Variants in MACF1 observed in about 807,000 individuals in gnomAD.
MACF1 encodes microtubule-actin cross-linking factor 1.
Under a neutral mutation model 854.8 loss-of-function variants are expected in MACF1, and 193 were observed. The ratio of observed to expected loss-of-function variants is 0.23; its 90% CI spans 0.20 to 0.25. MACF1 has a LOEUF of 0.25. Ranked by LOEUF, MACF1 falls within the 10% of genes least tolerant of loss-of-function variation. The probability of loss-of-function intolerance (pLI) is 1.00; values close to 1 mark genes in which losing one functional copy is unlikely to be tolerated. For missense variants in MACF1, 7,722 were observed against 8,929.1 expected, an observed-to-expected ratio of 0.86 and a Z score of 5.45; for synonymous variants, 3,185 against 3,226.7, an observed-to-expected ratio of 0.99 and a Z score of 0.44.
At chr1:39,215,532 T>G (rs750755469) in intron 1 of MACF1, 13 of 152,424 alleles carry the variant, frequency 8.5e-5, no homozygotes, top group Non-Finnish European at 1.5e-4. Context: ...TTCGAAGCCT[T>G]GTGGTGTTAC....
chr1:39,194,244 G>A (rs1571158592), intron 2 of MACF1, among the ~76,000 whole-genome samples: 1 of 151,672 alleles, frequency 6.6e-6, no homozygotes, highest in Non-Finnish European at 1.5e-5. Flanking sequence ...TTCAGTTGCT[G>A]AGCTTGATAG....
At position 39,442,459 on chromosome 1, in the gene MACF1, C is replaced by T. The variant is rs1433145547; in HGVS notation, c.18996C>T (p.Ala6332=). Residue 6332 remains alanine (A), a synonymous_variant, in exon 77 of 101, where the codon GCC becomes GCT. Coordinates refer to ENST00000564288, the MANE Select transcript of MACF1 (RefSeq NM_001394062.1). Reference sequence around the variant, plus strand: ...TGGCCCTTGGTCAGTTCCAGCATGCCTTAGAGGAACTAATGAGTTGGCTGA... The same window carrying T: ...TGGCCCTTGGTCAGTTCCAGCATGCTTTAGAGGAACTAATGAGTTGGCTGA... ...ALLALGQFQH[A]LEELMSWLTH... The T allele has an allele frequency of 6.2e-7, 1 of 1,614,060 alleles. No individual in the cohort carries two copies. The highest frequency in any genetic ancestry group is 1.3e-5 in the African/African-American group (1 of 74,910).
chr1:39,412,181 CTG>C, intron 58 of MACF1: 2 of 1,613,920 alleles, frequency 1.2e-6, no homozygotes, highest in Non-Finnish European at 1.7e-6. Flanking sequence ...TGCAGTCAAA[CTG>C]AGGGGAATGG....
intron 97 of MACF1, among the ~76,000 whole-genome samples, chr1:39,477,154 A>ACACACAC (rs57337925): frequency 3.6e-5 from 5 of 137,914 alleles, no homozygotes; most frequent in Non-Finnish European, 6.2e-5. Flanking sequence ...ACACACACAC[A>ACACACAC]GATGTGCAAA....
chr1:39,437,626 A>T, intron 70 of MACF1, 151 bp from the exon 71 acceptor site: 1 of 719,504 alleles, frequency 1.4e-6, no homozygotes, highest in Non-Finnish European at 2.5e-6. Flanking sequence ...ACAGTTTCTT[A>T]ACCAAACTCA....
chr1:39,427,625 G>T lies in MACF1; in HGVS notation c.16476+11G>T. Reference sequence around the variant, plus strand: ...ATCATTCGGCACAAGGTAGGGAGTGGTTACAGTAAATGAAAATAGAAAACT... The same window carrying T: ...ATCATTCGGCACAAGGTAGGGAGTGTTTACAGTAAATGAAAATAGAAAACT... On this transcript the variant is annotated intron_variant, in intron 62 of 100. Coordinates refer to ENST00000564288, the MANE Select transcript of MACF1 (RefSeq NM_001394062.1). The T allele has an allele frequency of 1.2e-6, 2 of 1,605,290 alleles. No individual in the cohort carries two copies. The highest frequency in any genetic ancestry group is 1.7e-6 in the Non-Finnish European group (2 of 1,177,034).
At chr1:39,424,403 G>C (rs1026073445) in intron 61 of MACF1, among the ~76,000 whole-genome samples, 2 of 152,234 alleles carry the variant, frequency 1.3e-5, no homozygotes, top group African/African-American at 4.8e-5. Flanking sequence ...AAATTTCCGA[G>C]AGCTGGAAAA....
At position 39,366,443 on chromosome 1, in the gene MACF1, C is replaced by G. The variant is rs369998991; in HGVS notation, c.12772-1705C>G. Among the ~76,000 whole-genome samples, 13 of 151,896 alleles carry G rather than the reference C, an allele frequency of 8.6e-5. No homozygotes were observed. The East Asian group carries it at 1.9e-3, about 23-fold the overall frequency. On this transcript the variant is annotated intron_variant, in intron 49 of 100. Coordinates refer to ENST00000564288, the MANE Select transcript of MACF1 (RefSeq NM_001394062.1). ...CAAACTCCTGGGCTCAAGTGATTCC[C>G]AGGAGTCTCAGCCTCCCCAGCAACT...
At chr1:39,412,543 A>G in intron 58 of MACF1, 1 of 1,613,978 alleles carries the variant, frequency 6.2e-7, no homozygotes, top group Non-Finnish European at 8.5e-7. Flanking sequence ...AGAGTCAGAG[A>G]TTCTGAGTCT....
intron 95 of MACF1, 76 bp downstream of exon 95, chr1:39,465,188 G>A: frequency 1.4e-6 from 2 of 1,437,706 alleles, no homozygotes; most frequent in Non-Finnish European, 2.0e-6. Flanking sequence ...TCTTCGCTAT[G>A]GGGAGAGGAT....
chr1:39,318,491 A>G lies in MACF1; in HGVS notation c.3821A>G (p.Asp1274Gly). ...ELESIQEVLG[D>G]YRACHGTLIK... ...GAAAGTATCCAGGAAGTTCTGGGAG[A>G]TTACCGAGCCTGCCATGGAACTCTC... Residue 1274 changes from aspartate to glycine, a missense_variant, in exon 30 of 101, where the codon GAT becomes GGT. This residue lies in a region of MACF1 where 1,137 missense variants were observed against 1,263.0 expected (regional missense o/e 0.90). Transcript: ENST00000564288. The G allele has an allele frequency of 3.7e-6, 6 of 1,613,938 alleles. No homozygotes were observed. Among genetic ancestry groups the G allele is most frequent in the Non-Finnish European group, 5.1e-6 (6 of 1,179,948 alleles).
At chr1:39,300,062 C>T (rs1458576401) in intron 21 of MACF1, 148 bp from the exon 22 acceptor site, 14 of 764,566 alleles carry the variant, frequency 1.8e-5, no homozygotes, top group Non-Finnish European at 2.8e-5. Context: ...TTATCATTGT[C>T]TAAGTCTTTA....
At position 39,105,158 on chromosome 1, in the gene MACF1, G is replaced by C. The variant is rs1270613581; in HGVS notation, c.220+20720G>C. 1.3e-5 allele frequency among the ~76,000 whole-genome samples: 2 copies of C among 151,808 alleles called. No homozygotes were observed. The highest frequency in any genetic ancestry group is 2.9e-5 in the Non-Finnish European group (2 of 67,874). ...GCCGGCCTCTCGCGCCCCTCGGCTC[G>C]GGCCCCAGTCCGGGCCGGGCGGGGG... is the stretch of plus-strand genomic sequence containing the variant. On this transcript the variant is annotated intron_variant, in intron 2 of 93. Coordinates refer to the MACF1 transcript ENST00000361689. This position sits in a 1 kb window ranked among gnomAD's most constrained non-coding sequence, Gnocchi z 5.9.
intron 78 of MACF1, among the ~76,000 whole-genome samples, chr1:39,443,187 C>T (rs1040958275): frequency 2.6e-5 from 4 of 152,150 alleles, no homozygotes; most frequent in Non-Finnish European, 5.9e-5. Context: ...CAGGTCTCTT[C>T]CTATTCAACA....
intron 35 of MACF1, among the ~76,000 whole-genome samples, chr1:39,325,396 A>G (rs952912342): frequency 6.6e-6 from 1 of 152,256 alleles, no homozygotes; most frequent in Non-Finnish European, 1.5e-5. Flanking sequence ...GGTCAGATTT[A>G]GTATGGTGAG....
chr1:39,318,521 A>C lies in MACF1; in HGVS notation c.3851A>C (p.Lys1284Thr). Residue 1284 changes from lysine (K) to threonine (T), a missense_variant, in exon 30 of 101, where the codon AAG becomes ACG. Lys to Thr is a moderately conservative substitution (Grantham distance 78). Coordinates refer to ENST00000564288, the MANE Select transcript of MACF1 (RefSeq NM_001394062.1). Reference protein sequence around the residue: ...DYRACHGTLIKWIEETTAQQE... With the variant: ...DYRACHGTLITWIEETTAQQE... ...CGAGCCTGCCATGGAACTCTCATCA[A>C]GTGGATTGAGGAAACCACTGCCCAG... 13 of 1,614,100 alleles carry C rather than the reference A, an allele frequency of 8.1e-6. No individual in the cohort carries two copies. The highest frequency in any genetic ancestry group is 1.1e-5 in the Non-Finnish European group (13 of 1,180,002).
At chr1:39,379,506 C>G in intron 54 of MACF1, 62 bp downstream of exon 54, 1 of 1,534,292 alleles carries the variant, frequency 6.5e-7, no homozygotes, top group South Asian at 1.3e-5. Flanking sequence ...TACCAGTGTT[C>G]CTGCCCAAGC....
At chr1:39,407,347 T>C (rs1642752720) in intron 58 of MACF1, among the ~76,000 whole-genome samples, 1 of 152,216 alleles carries the variant, frequency 6.6e-6, no homozygotes, top group South Asian at 2.1e-4. Context: ...TCAGACATTA[T>C]TGGGTCTTGC....
intron 52 of MACF1, among the ~76,000 whole-genome samples, chr1:39,377,484 G>T (rs979994009): frequency 6.6e-6 from 1 of 152,050 alleles, no homozygotes; most frequent in Non-Finnish European, 1.5e-5. Context: ...GAAATATAAG[G>T]AATCAGTTTG....
Sources: allele counts gnomAD v4.1 joint callset (sites outside exome capture counted in the v4.1 genomes callset), GRCh38; gene constraint gnomAD v4.1.1; regional missense constraint gnomAD v4.1.1; non-coding constraint Gnocchi (gnomAD v3.1); transcripts MANE v1.5; gene names NCBI Gene and HGNC (gene_info 2026-07-23, HGNC 2026-07-21).